The following CKAP5 variants were observed in gnomAD, a reference collection of about 807,000 sequenced individuals.
CKAP5 encodes cytoskeleton associated protein 5, also known as cytoskeleton-associated protein 5.
Under a neutral mutation model 232.8 loss-of-function variants are expected in CKAP5, and 27 were observed. The ratio of observed to expected loss-of-function variants is 0.12; its 90% CI spans 0.09 to 0.16. CKAP5 has a LOEUF of 0.16. Ranked by LOEUF, CKAP5 falls within the 10% of genes least tolerant of loss-of-function variation. CKAP5 has a pLI of 1.00. For missense variants in CKAP5, 1,838 were observed against 2,424.7 expected, an observed-to-expected ratio of 0.76 and a Z score of 5.08; for synonymous variants, 785 against 841.1, an observed-to-expected ratio of 0.93 and a Z score of 1.16.
chr11:46,808,011 C>T lies in CKAP5; in HGVS notation c.978+20G>A. On this transcript the variant is annotated intron_variant, in intron 8 of 43. Transcript: ENST00000529230. ...CCTGATGGCTGTTACAATACCAGTA[C>T]TGCAAGTCCTCATATTTACCTTCTT... is the stretch of plus-strand genomic sequence containing the variant. 6.4e-7 allele frequency: 1 copy of T among 1,558,980 alleles called. No homozygotes were observed. Among genetic ancestry groups the T allele is most frequent in the Non-Finnish European group, 8.8e-7 (1 of 1,130,988 alleles).
chr11:46,809,943 C>G, intron 5 of CKAP5, 69 bp from the exon 6 acceptor site: 6 of 1,410,718 alleles, frequency 4.3e-6, no homozygotes, highest in Non-Finnish European at 5.8e-6. Flanking sequence ...TTAATACTTA[C>G]ATTTATTGAC....
At chr11:46,778,638 A>G (rs559355465) in intron 20 of CKAP5, 39 bp from the exon 21 acceptor site, 4 of 1,585,828 alleles carry the variant, frequency 2.5e-6, no homozygotes, top group African/African-American at 2.7e-5. Flanking sequence ...TGAAATTTAT[A>G]TAGGATATGG....
At chr11:46,776,722 G>C (rs1342434244) in intron 23 of CKAP5, among the ~76,000 whole-genome samples, 4 of 152,122 alleles carry the variant, frequency 2.6e-5, no homozygotes, top group Non-Finnish European at 5.9e-5. Context: ...GTCTGCTAAA[G>C]AATGAAATTC....
chr11:46,762,055 G>A lies in CKAP5; in HGVS notation c.4166C>T (p.Thr1389Ile), dbSNP rs2065159474. 1.2e-6 allele frequency: 2 copies of A among 1,614,004 alleles called. No individual in the cohort carries two copies. The highest frequency in any genetic ancestry group is 2.2e-5 in the East Asian group (1 of 44,882). Residue 1389 changes from threonine to isoleucine, a missense_variant, in exon 32 of 44, where the codon ACC (threonine) becomes ATC (isoleucine). Thr to Ile is a moderately conservative substitution (Grantham distance 89). Transcript: ENST00000529230. ...ATGTACATTGTACACCGTTACAATG[G>A]TGTTGAGTGCAGCATTGCGTACAGC... ...DNAVRNAALN[T>I]IVTVYNVHGD...
At chr11:46,758,686 A>G in intron 35 of CKAP5, 2 of 388,202 alleles carry the variant, frequency 5.2e-6, no homozygotes, top group South Asian at 7.5e-5. Context: ...CAGCCTGGAC[A>G]ACATAGTGAG....
At chr11:46,799,738 C>A (rs11038996) in intron 9 of CKAP5, among the ~76,000 whole-genome samples, 2 of 152,182 alleles carry the variant, frequency 1.3e-5, no homozygotes, top group African/African-American at 4.8e-5. Context: ...GTGGCTCAAG[C>A]CTGTAATCCC....
At chr11:46,780,070 C>G in intron 20 of CKAP5, 124 bp downstream of exon 20, 1 of 1,030,800 alleles carries the variant, frequency 9.7e-7, no homozygotes, top group South Asian at 1.5e-5. Flanking sequence ...TGCACTTAAG[C>G]AATCCTCCTT....
In CKAP5 at chr11:46,772,877, GAC is replaced by G. The variant is rs1404572330; in HGVS notation, c.2992-1897_2992-1896del. On this transcript the variant is annotated intron_variant, in intron 24 of 43. Transcript: ENST00000529230. ...CTGCCACAGCCTCTCGAGTAGCTGGGACTACAGGCGCATGCCACCACACCCAG... is the reference window on the plus strand; with the variant it reads ...CTGCCACAGCCTCTCGAGTAGCTGGGTACAGGCGCATGCCACCACACCCAG... Among the ~76,000 whole-genome samples, 4 of 152,210 alleles carry G rather than the reference GAC, an allele frequency of 2.6e-5. No homozygotes were observed. In the Middle Eastern group the frequency reaches 0.01, roughly 388 times the overall value.
At chr11:46,795,400 T>C (rs902853938) in intron 13 of CKAP5, among the ~76,000 whole-genome samples, 194 bp downstream of exon 13, 1 of 152,156 alleles carries the variant, frequency 6.6e-6, no homozygotes, top group Non-Finnish European at 1.5e-5. Context: ...TTCATCACCA[T>C]TTTTATCTCT....
intron 13 of CKAP5, among the ~76,000 whole-genome samples, chr11:46,794,084 G>GCA (rs1475505001): frequency 9.9e-5 from 15 of 152,252 alleles, no homozygotes; most frequent in African/African-American, 3.6e-4. Flanking sequence ...GTTGGACACC[G>GCA]TATATAAAAA....
chr11:46,793,997 C>T (rs758573912), intron 13 of CKAP5, among the ~76,000 whole-genome samples: 1 of 151,946 alleles, frequency 6.6e-6, no homozygotes, highest in Non-Finnish European at 1.5e-5. Context: ...GGTACCAAGG[C>T]GGTTTAATGG....
At chr11:46,759,116 C>T (rs556904517) in intron 34 of CKAP5, 73 bp from the exon 35 acceptor site, 1 of 1,568,020 alleles carries the variant, frequency 6.4e-7, no homozygotes, top group South Asian at 1.2e-5. Flanking sequence ...TTATACAATT[C>T]TCCACTAGGT....
At chr11:46,798,837 C>A (rs764273423) in intron 9 of CKAP5, among the ~76,000 whole-genome samples, 1 of 152,168 alleles carries the variant, frequency 6.6e-6, no homozygotes, top group Admixed American at 6.5e-5. Context: ...TTATAGTATG[C>A]AAGTTTTATC....
intron 1 of CKAP5, among the ~76,000 whole-genome samples, chr11:46,823,263 C>CT: frequency 6.6e-6 from 1 of 152,140 alleles, no homozygotes; most frequent in South Asian, 2.1e-4. Context: ...ATCTAGACAA[C>CT]ACCTTTTTCT....
At chr11:46,777,811 AC>A (rs1330943046) in intron 22 of CKAP5, among the ~76,000 whole-genome samples, 1 of 152,224 alleles carries the variant, frequency 6.6e-6, no homozygotes, top group African/African-American at 2.4e-5. Flanking sequence ...TTAAGGTAAA[AC>A]CTAGTTTAAG....
At chr11:46,787,234 C>T (rs1191233587) in intron 16 of CKAP5, among the ~76,000 whole-genome samples, 1 of 152,052 alleles carries the variant, frequency 6.6e-6, no homozygotes, top group Non-Finnish European at 1.5e-5. Context: ...GTGGAGCTGG[C>T]CTATACGAAT....
Position 46,744,119 on chromosome 11 carries a change from C to G in CKAP5, c.6003G>C (p.Gln2001His). 1 of 1,613,990 alleles carries G rather than the reference C, an allele frequency of 6.2e-7. No homozygotes were observed. The highest frequency in any genetic ancestry group is 1.1e-5 in the South Asian group (1 of 91,080). Reference sequence around the variant, plus strand: ...AGGTCACAGTTCCTGAAGAGTGAGTCTGGTTAGAATCCAGGTCTGAATGCT... The same window carrying G: ...AGGTCACAGTTCCTGAAGAGTGAGTGTGGTTAGAATCCAGGTCTGAATGCT... Reference protein sequence around the residue: ...QHQHSDLDSNQTHSSGTVTSS... With the variant: ...QHQHSDLDSNHTHSSGTVTSS... Residue 2001 changes from glutamine to histidine, a missense_variant, in exon 44 of 44, where the codon CAG becomes CAC. By Grantham distance (24) the Gln-to-His change is conservative. This residue lies in a region of CKAP5 where 62 missense variants were observed against 61.1 expected (regional missense o/e 1.01). Coordinates refer to ENST00000529230, the MANE Select transcript of CKAP5 (RefSeq NM_001008938.4).
intron 23 of CKAP5, among the ~76,000 whole-genome samples, chr11:46,776,837 T>TTG (rs557803047): frequency 0.077 from 930 of 12,128 alleles, 10 homozygotes; most frequent in South Asian, 0.26. Context: ...AAAGCACAAA[T>TTG]TATATTAAAT....
At chr11:46,794,412 A>G (rs1314884835) in intron 13 of CKAP5, among the ~76,000 whole-genome samples, 1 of 151,494 alleles carries the variant, frequency 6.6e-6, no homozygotes, top group Non-Finnish European at 1.5e-5. Context: ...TGATTGTGCC[A>G]TTGCACTCCA....
Sources: allele counts gnomAD v4.1 joint callset (sites outside exome capture counted in the v4.1 genomes callset), GRCh38; gene constraint gnomAD v4.1.1; regional missense constraint gnomAD v4.1.1; transcripts MANE v1.5; gene names NCBI Gene and HGNC (gene_info 2026-07-23, HGNC 2026-07-21).